Variants in ELF1 observed in about 807,000 individuals in gnomAD.
The protein encoded by ELF1 is ETS-related transcription factor Elf-1.
Under a neutral mutation model 59.9 loss-of-function variants are expected in ELF1, and 24 were observed. The observed-to-expected ratio is 0.40, with a 90% CI of 0.29 to 0.56. The LOEUF is 0.56. Among genes scored for constraint, ELF1 ranks in the 20% least tolerant of loss-of-function variants. The probability of loss-of-function intolerance (pLI) is 0.44; values close to 1 mark genes in which losing one functional copy is unlikely to be tolerated. For synonymous variants in ELF1, 248 were observed against 266.2 expected (o/e 0.93, Z 0.67); for missense variants, 627 against 742.2 (o/e 0.84, Z 1.80).
intron 2 of ELF1, 131 bp downstream of exon 2, chr13:40,981,852 A>C: frequency 9.4e-7 from 1 of 1,059,156 alleles, no homozygotes; most frequent in Non-Finnish European, 1.3e-6. Flanking sequence ...TATTTCCTCC[A>C]AATATTTCAT....
At chr13:41,013,011 C>T (rs1266101803) in intron 1 of ELF1, among the ~76,000 whole-genome samples, 1 of 152,014 alleles carries the variant, frequency 6.6e-6, no homozygotes, top group East Asian at 1.9e-4. Context: ...TGAAATAACT[C>T]TAGTTAACAA....
intron 6 of ELF1, 81 bp downstream of exon 6, chr13:40,943,761 C>G: frequency 3.3e-6 from 4 of 1,196,424 alleles, no homozygotes; most frequent in Non-Finnish European, 4.6e-6. Context: ...ATCAAGAAAG[C>G]TGGTGGTTTC....
intron 2 of ELF1, among the ~76,000 whole-genome samples, chr13:40,963,408 C>T (rs2138209868): frequency 6.6e-6 from 1 of 152,348 alleles, no homozygotes; most frequent in East Asian, 1.9e-4. Context: ...TCTTCTTGGT[C>T]AGCAGGGCAC....
chr13:40,956,362 A>G (rs1451724064), intron 3 of ELF1, among the ~76,000 whole-genome samples: 12 of 152,022 alleles, frequency 7.9e-5, no homozygotes, highest in African/African-American at 9.7e-5. Context: ...TTAAACAGAT[A>G]TTTGAAGGCA....
chr13:40,950,366 C>T (rs955596325), intron 4 of ELF1, among the ~76,000 whole-genome samples: 3 of 152,228 alleles, frequency 2.0e-5, no homozygotes, highest in African/African-American at 7.2e-5. Flanking sequence ...CAACCCATCT[C>T]TATAGCATGC....
intron 1 of ELF1, among the ~76,000 whole-genome samples, chr13:40,983,632 A>T (rs927794099): frequency 6.6e-6 from 1 of 152,198 alleles, no homozygotes; most frequent in African/African-American, 2.4e-5. Flanking sequence ...CAACACTGGG[A>T]AAGTATTTTT....
chr13:41,048,746 A>T lies in ELF1; in HGVS notation c.-229+12092T>A, dbSNP rs569260250. ...TTTTTTAATTCAAGTTTTTCCTTTA[A>T]AAAAAAAAAAAGAACCTGAATTGGC... On this transcript the variant is annotated intron_variant, in intron 1 of 1. Coordinates refer to the ELF1 transcript ENST00000405737. 9.2e-4 allele frequency among the ~76,000 whole-genome samples: 133 copies of T among 143,908 alleles called. 2 individuals carry two copies. Among genetic ancestry groups the T allele is most frequent in the African/African-American group, 3.1e-3 (123 of 40,116 alleles). 94.4% of individuals were successfully genotyped at this position (143,908 alleles called of 152,430 possible).
chr13:41,021,582 T>C (rs1327774177), upstream of ELF1, among the ~76,000 whole-genome samples: 1 of 152,214 alleles, frequency 6.6e-6, no homozygotes, highest in Admixed American at 6.5e-5. Flanking sequence ...TGCTACCTAT[T>C]AGCTATGTAA....
intron 1 of ELF1, among the ~76,000 whole-genome samples, chr13:41,046,074 A>G (rs1472804933): frequency 6.6e-6 from 1 of 152,146 alleles, no homozygotes; most frequent in Non-Finnish European, 1.5e-5. Context: ...TTGCTGGTTT[A>G]AAGTCTGTTC....
chr13:40,948,446 T>A (rs1002498410), intron 5 of ELF1, among the ~76,000 whole-genome samples: 1 of 152,186 alleles, frequency 6.6e-6, no homozygotes, highest in African/African-American at 2.4e-5. Flanking sequence ...ACACGGACAA[T>A]AAAACCAGAG....
At chr13:41,056,090 G>A (rs1271236136) in intron 1 of ELF1, among the ~76,000 whole-genome samples, 3 of 152,048 alleles carry the variant, frequency 2.0e-5, no homozygotes, top group African/African-American at 7.3e-5. Flanking sequence ...TAGAGTTATA[G>A]AACTATCACT....
chr13:41,023,521 A>G (rs1295497907), upstream of ELF1, among the ~76,000 whole-genome samples: 2 of 152,232 alleles, frequency 1.3e-5, no homozygotes, highest in East Asian at 1.9e-4. Context: ...ATCATGCAGA[A>G]TTTATTTTGT....
chr13:41,058,790 T>C (rs1398579222), intron 1 of ELF1, among the ~76,000 whole-genome samples: 1 of 152,126 alleles, frequency 6.6e-6, no homozygotes, highest in East Asian at 1.9e-4. Context: ...CTGGCCAACA[T>C]GGTGAAACAT....
intron 2 of ELF1, among the ~76,000 whole-genome samples, chr13:40,968,447 T>A (rs1335887340): frequency 1.3e-5 from 2 of 152,230 alleles, no homozygotes; most frequent in African/African-American, 2.4e-5. Flanking sequence ...TCCAAGAGTA[T>A]GAAACATCAT....
At chr13:40,964,461 G>GTT (rs1340366964) in intron 2 of ELF1, among the ~76,000 whole-genome samples, 8 of 152,020 alleles carry the variant, frequency 5.3e-5, no homozygotes, top group African/African-American at 1.9e-4. Context: ...ATAGATGGCT[G>GTT]GTCTTCATGT....
intron 8 of ELF1, among the ~76,000 whole-genome samples, chr13:40,939,443 A>G (rs1869995218): frequency 2.0e-5 from 3 of 152,326 alleles, no homozygotes; most frequent in African/African-American, 4.8e-5. Context: ...CAGATGCTAA[A>G]AAAATTCCAT....
At chr13:41,008,854 A>G (rs1310542755) in intron 1 of ELF1, among the ~76,000 whole-genome samples, 2 of 152,208 alleles carry the variant, frequency 1.3e-5, no homozygotes, top group Non-Finnish European at 2.9e-5. Flanking sequence ...TTCATGCAAA[A>G]GCAAATATGA....
At position 41,039,329 on chromosome 13, in the gene ELF1, CTT is replaced by C. The variant is rs111505301; in HGVS notation, c.-229+21507_-229+21508del. On this transcript the variant is annotated intron_variant, in intron 1 of 1. Transcript: ENST00000405737. The stretch of plus-strand genomic sequence containing the variant: ...CTAGGGAAAAATATGACAAAAAGTC[CTT>C]TTTTTAAAAAAAAAAAAAAAAAAAA... Among the ~76,000 whole-genome samples the C allele has an allele frequency of 1.8e-4, 25 of 135,794 alleles. No individual in the cohort carries two copies. The East Asian group carries it at 2.7e-3, about 15-fold the overall frequency. 89.1% of individuals were successfully genotyped at this position (135,794 alleles called of 152,430 possible). A position where few individuals can be genotyped will look rare whatever the true frequency, so the allele number is the denominator to read the frequency against.
intron 3 of ELF1, among the ~76,000 whole-genome samples, chr13:40,952,246 T>C (rs193155223): frequency 6.6e-6 from 1 of 152,320 alleles, no homozygotes; most frequent in Non-Finnish European, 1.5e-5. Flanking sequence ...TCTGGAGGCT[T>C]GATGAAATTC....
Sources: gnomAD v4.1 joint callset for allele counts (sites outside exome capture counted in the v4.1 genomes callset) on GRCh38, gnomAD v4.1.1 for gene constraint, MANE v1.5 for transcripts, NCBI Gene and HGNC (gene_info 2026-07-23, HGNC 2026-07-21) for gene names.